The following SSBP2 variants were observed in gnomAD, a reference collection of about 807,000 sequenced individuals.
SSBP2 encodes single stranded DNA binding protein 2.
Under a neutral mutation model 61.8 loss-of-function variants are expected in SSBP2, and 17 were observed. The observed-to-expected ratio is 0.28, with a 90% confidence interval of 0.19 to 0.41. SSBP2 has a LOEUF of 0.41. Among genes scored for constraint, SSBP2 ranks in the 10% least tolerant of loss-of-function variants. The pLI, the probability that SSBP2 is intolerant of heterozygous loss-of-function variation, is 1.00. For synonymous variants in SSBP2, 139 were observed against 141.3 expected (o/e 0.98, Z 0.12); for missense variants, 310 against 458.7 (o/e 0.68, Z 2.96).
chr5:81,702,357 G>A (rs1055382902), intron 1 of SSBP2, among the ~76,000 whole-genome samples: 8 of 152,024 alleles, frequency 5.3e-5, no homozygotes, highest in African/African-American at 1.4e-4. Context: ...GCAACAGAGC[G>A]AGACTCCCAT....
At chr5:81,635,454 C>T (rs1748123298) in intron 3 of SSBP2, among the ~76,000 whole-genome samples, 1 of 152,138 alleles carries the variant, frequency 6.6e-6, no homozygotes, top group Admixed American at 6.5e-5. Flanking sequence ...ATTATTATCT[C>T]CCATTCCCAA....
chr5:81,500,589 T>C (rs951164182), intron 5 of SSBP2, among the ~76,000 whole-genome samples: 12 of 152,018 alleles, frequency 7.9e-5, no homozygotes, highest in African/African-American at 2.7e-4. Context: ...GTCTCCCGAG[T>C]AGCTGGGATT....
intron 4 of SSBP2, among the ~76,000 whole-genome samples, chr5:81,583,311 T>C (rs918862825): frequency 6.6e-6 from 1 of 152,082 alleles, no homozygotes; most frequent in Non-Finnish European, 1.5e-5. Flanking sequence ...TCCACCCACA[T>C]GTATGCCTCT....
intron 1 of SSBP2, among the ~76,000 whole-genome samples, chr5:81,653,371 A>G (rs986425790): frequency 6.6e-6 from 1 of 152,172 alleles, no homozygotes; most frequent in East Asian, 1.9e-4. Context: ...GGTTGGCTCC[A>G]AGTCTTCGCT....
intron 4 of SSBP2, among the ~76,000 whole-genome samples, chr5:81,534,914 T>C (rs1020984546): frequency 2.0e-5 from 3 of 151,898 alleles, no homozygotes; most frequent in Non-Finnish European, 2.9e-5. Flanking sequence ...CATAACTAGA[T>C]TGCAGAAAAT....
At chr5:81,734,633 T>C (rs77066765) in intron 1 of SSBP2, among the ~76,000 whole-genome samples, 1,899 of 152,310 alleles carry the variant, frequency 0.012, 40 homozygotes, top group African/African-American at 0.043. Flanking sequence ...ATTACCTTTA[T>C]TGAAGATTTT....
intron 5 of SSBP2, among the ~76,000 whole-genome samples, chr5:81,501,939 T>C (rs12697703): frequency 0.67 from 97,718 of 146,518 alleles, 33,775 homozygotes; most frequent in African/African-American, 0.9. Context: ...TCTTTTCCCA[T>C]AGTTGCCAAT....
chr5:81,428,404 A>G (rs1055802365), intron 16 of SSBP2, among the ~76,000 whole-genome samples, 181 bp downstream of exon 16: 3 of 152,232 alleles, frequency 2.0e-5, no homozygotes, highest in Admixed American at 6.5e-5. Flanking sequence ...CACAGAATAA[A>G]AAAGAAAAAG....
intron 5 of SSBP2, among the ~76,000 whole-genome samples, chr5:81,496,842 C>G (rs1767324568): frequency 1.3e-5 from 2 of 152,160 alleles, no homozygotes; most frequent in South Asian, 4.1e-4. Flanking sequence ...GGCAGATACA[C>G]ACACTTATGT....
At chr5:81,701,433 A>ACC (rs1395414193) in intron 1 of SSBP2, among the ~76,000 whole-genome samples, 1 of 152,236 alleles carries the variant, frequency 6.6e-6, no homozygotes, top group Non-Finnish European at 1.5e-5. Context: ...GTGGAGACAC[A>ACC]AAGTGAGCCC....
At chr5:81,723,135 G>A (rs533417465) in intron 1 of SSBP2, among the ~76,000 whole-genome samples, 1 of 152,040 alleles carries the variant, frequency 6.6e-6, no homozygotes, top group South Asian at 2.1e-4. Context: ...TATCCATTTA[G>A]GAATAAAAGG....
At chr5:81,619,535 A>G (rs1389558021) in intron 3 of SSBP2, among the ~76,000 whole-genome samples, 1 of 147,896 alleles carries the variant, frequency 6.8e-6, no homozygotes, top group African/African-American at 2.5e-5. Context: ...ACAGGGAGGA[A>G]CTGGTACCAT....
rs1458796558 is a variant in SSBP2, at chr5:81,513,642, G to A, written c.358C>T (p.Pro120Ser). The change falls in exon 5 of 17, where the codon CCA (proline) becomes TCA (serine). Residue 120 changes from proline (P) to serine (S), a missense_variant. Physicochemically the swap from Pro to Ser is moderately conservative, Grantham distance 74. Coordinates refer to ENST00000320672, the MANE Select transcript of SSBP2 (RefSeq NM_012446.5). ...TCTCTGAGTACCTGAAAGAACCCTG[G>A]TGGTACAGGACCTACTGGCATGCCA... 1.2e-6 allele frequency: 2 copies of A among 1,610,166 alleles called. No homozygotes were observed. The highest frequency in any genetic ancestry group is 8.5e-7 in the Non-Finnish European group (1 of 1,176,848).
intron 4 of SSBP2, among the ~76,000 whole-genome samples, chr5:81,604,825 C>T (rs1016744434): frequency 6.6e-6 from 1 of 151,996 alleles, no homozygotes; most frequent in Non-Finnish European, 1.5e-5. Context: ...TAATACAAAA[C>T]AAAATCTTAA....
intron 4 of SSBP2, among the ~76,000 whole-genome samples, chr5:81,558,265 G>T (rs1319523918): frequency 6.6e-6 from 1 of 152,034 alleles, no homozygotes; most frequent in Non-Finnish European, 1.5e-5. Context: ...AGTCTGGGTG[G>T]CTATCACAAA....
At chr5:81,652,539 T>C (rs897792228) in intron 1 of SSBP2, among the ~76,000 whole-genome samples, 1 of 152,180 alleles carries the variant, frequency 6.6e-6, no homozygotes, top group African/African-American at 2.4e-5. Context: ...AGCTCATTGT[T>C]ACCAACAGGG....
chr5:81,712,739 T>G (rs917182016), intron 1 of SSBP2, among the ~76,000 whole-genome samples: 13 of 149,922 alleles, frequency 8.7e-5, no homozygotes, highest in East Asian at 1.9e-4. Context: ...TTTTTTTTTT[T>G]TTGTTTTTTT....
At chr5:81,617,796 T>C (rs1746201257) in intron 3 of SSBP2, among the ~76,000 whole-genome samples, 2 of 93,460 alleles carry the variant, frequency 2.1e-5, no homozygotes, top group South Asian at 4.6e-4. Context: ...GGGGCCAATA[T>C]TCAACATTCT....
At chr5:81,541,968 C>T (rs1189206870) in intron 4 of SSBP2, among the ~76,000 whole-genome samples, 1 of 152,218 alleles carries the variant, frequency 6.6e-6, no homozygotes, top group African/African-American at 2.4e-5. Flanking sequence ...AAACTATCAA[C>T]AGAGTAAACA....
Sources: gnomAD v4.1 joint callset for allele counts (sites outside exome capture counted in the v4.1 genomes callset) on GRCh38, gnomAD v4.1.1 for gene constraint, MANE v1.5 for transcripts, NCBI Gene and HGNC (gene_info 2026-07-23, HGNC 2026-07-21) for gene names.